PPP2R5E: variants seen among roughly 807,000 people sequenced by gnomAD.
PPP2R5E encodes the protein protein phosphatase 2 regulatory subunit B'epsilon.
A neutral mutation model predicts 65.3 loss-of-function variants in PPP2R5E; 4 were observed. The ratio of observed to expected loss-of-function variants is 0.06; its 90% CI spans 0.03 to 0.14. PPP2R5E has a LOEUF of 0.14. Among genes scored for constraint, PPP2R5E ranks in the 10% least tolerant of loss-of-function variants. The pLI is 1.00. For synonymous variants in PPP2R5E, 183 were observed against 187.4 expected, an observed-to-expected ratio of 0.98 and a Z score of 0.19; for missense variants, 274 against 556.1, an observed-to-expected ratio of 0.49 and a Z score of 5.10.
chr14:63,427,489 T>C (rs1455707011), intron 3 of PPP2R5E, among the ~76,000 whole-genome samples: 1 of 152,104 alleles, frequency 6.6e-6, no homozygotes, highest in African/African-American at 2.4e-5. Context: ...CATCGGATGT[T>C]AGGATCAAAC....
intron 11 of PPP2R5E, among the ~76,000 whole-genome samples, chr14:63,388,163 G>A (rs934744383): frequency 6.9e-6 from 1 of 145,276 alleles, no homozygotes. Context: ...TTTTTTAGAT[G>A]GAGTTTCGCT....
intron 2 of PPP2R5E, among the ~76,000 whole-genome samples, chr14:63,457,273 G>C (rs1889172202): frequency 6.6e-6 from 1 of 152,136 alleles, no homozygotes; most frequent in African/African-American, 2.4e-5. Flanking sequence ...TATAAGAAAA[G>C]TTTAGTGTCT....
At chr14:63,533,871 T>G (rs1416946956) in intron 2 of PPP2R5E, among the ~76,000 whole-genome samples, 1 of 151,764 alleles carries the variant, frequency 6.6e-6, no homozygotes, top group Admixed American at 6.6e-5. Context: ...CACTTGAACC[T>G]GGGAGGCAGA....
At chr14:63,390,048 TAGTAATCCAGCTCTC>T in intron 10 of PPP2R5E, among the ~76,000 whole-genome samples, 1 of 151,910 alleles carries the variant, frequency 6.6e-6, no homozygotes. Flanking sequence ...TCTCTATTAT[TAGTAATCCAGCTCTC>T]TTTCCACAAC....
chr14:63,393,543 C>A (rs1413866379), intron 8 of PPP2R5E, among the ~76,000 whole-genome samples: 1 of 152,064 alleles, frequency 6.6e-6, no homozygotes, highest in Non-Finnish European at 1.5e-5. Flanking sequence ...AAAACCCCGT[C>A]TCTACTAAAA....
chr14:63,523,777 A>C (rs1426176198), intron 2 of PPP2R5E, among the ~76,000 whole-genome samples: 2 of 152,158 alleles, frequency 1.3e-5, no homozygotes, highest in Non-Finnish European at 2.9e-5. Flanking sequence ...GATGAGATAA[A>C]GATCAAAAGT....
chr14:63,494,184 C>T (rs1891425668), intron 2 of PPP2R5E, among the ~76,000 whole-genome samples: 1 of 152,052 alleles, frequency 6.6e-6, no homozygotes, highest in Non-Finnish European at 1.5e-5. Context: ...AGAAAGTGGT[C>T]TTAAGTAAGT....
At chr14:63,533,653 A>G (rs1027725295) in intron 2 of PPP2R5E, among the ~76,000 whole-genome samples, 2 of 148,246 alleles carry the variant, frequency 1.3e-5, no homozygotes, top group African/African-American at 5.0e-5. Flanking sequence ...GACAAGAAAT[A>G]ACAATGGCGG....
intron 6 of PPP2R5E, among the ~76,000 whole-genome samples, chr14:63,396,352 G>A (rs1885393777): frequency 8.8e-6 from 1 of 114,016 alleles, no homozygotes; most frequent in Admixed American, 8.9e-5. Flanking sequence ...AGAGGAGGGT[G>A]GGAGGAGAAG....
intron 2 of PPP2R5E, among the ~76,000 whole-genome samples, chr14:63,516,968 AT>A (rs143485411): frequency 0.031 from 4,747 of 152,322 alleles, 247 homozygotes; most frequent in African/African-American, 0.11. Context: ...GATGAACTAA[AT>A]AGATTTTTAA....
rs1174325054 is a variant in PPP2R5E at position 63,374,549 on chromosome 14, T to C, written c.*1460A>G. The C allele has an allele frequency of 2.2e-4, 33 of 149,962 alleles. No homozygotes were observed. Among genetic ancestry groups the C allele is most frequent in the Admixed American group, 2.1e-3 (32 of 15,020 alleles). 9.3% of individuals were successfully genotyped at this position (149,962 alleles called of 1,614,324 possible). ...TAATAATGCAACTGCATTAGGTAAG[T>C]ACATACTGTACACAAATTTTATCAG... is the stretch of plus-strand genomic sequence containing the variant. On this transcript the variant is annotated 3_prime_UTR_variant, in exon 14 of 14. Transcript: ENST00000337537.
intron 11 of PPP2R5E, among the ~76,000 whole-genome samples, chr14:63,388,931 C>G (rs1191829350): frequency 1.3e-5 from 2 of 152,148 alleles, no homozygotes; most frequent in Non-Finnish European, 2.9e-5. Flanking sequence ...CCCCAGTTTA[C>G]CCTTCTTCCC....
chr14:63,489,488 C>T (rs1891182830), intron 2 of PPP2R5E, among the ~76,000 whole-genome samples: 1 of 151,468 alleles, frequency 6.6e-6, no homozygotes, highest in East Asian at 1.9e-4. Flanking sequence ...TGGCTCACTG[C>T]AGCCTTGACC....
At chr14:63,380,113 C>T (rs932194426) in intron 13 of PPP2R5E, among the ~76,000 whole-genome samples, 8 of 151,790 alleles carry the variant, frequency 5.3e-5, no homozygotes, top group African/African-American at 1.5e-4. Context: ...GGATTACAGG[C>T]GTGAGCTACC....
chr14:63,518,912 A>AT (rs1305214394), intron 2 of PPP2R5E, among the ~76,000 whole-genome samples: 3 of 151,918 alleles, frequency 2.0e-5, no homozygotes, highest in African/African-American at 7.3e-5. Context: ...AAAATTAAAA[A>AT]TAAAAAAATA....
At chr14:63,449,853 C>CCTTTT (rs986492803) in intron 3 of PPP2R5E, among the ~76,000 whole-genome samples, 3 of 150,018 alleles carry the variant, frequency 2.0e-5, no homozygotes, top group Non-Finnish European at 4.4e-5. Flanking sequence ...CAAAGCCTTG[C>CCTTTT]CTTTTCTTTT....
rs772679993 is a variant in PPP2R5E, at chr14:63,391,989, G to C, written c.886C>G (p.Pro296Ala). 1 of 1,610,842 alleles carries C rather than the reference G, an allele frequency of 6.2e-7. No individual in the cohort carries two copies. Residue 296 changes from proline (P) to alanine (A), a missense_variant, in exon 9 of 14, where the codon CCT becomes GCT. Physicochemically the swap from Pro to Ala is conservative, Grantham distance 27. This residue lies in a region of PPP2R5E where 129 missense variants were observed against 254.9 expected (regional missense o/e 0.51). Transcript: ENST00000337537. ...AGACTTACTGGTTCTGTGAGTGAAG[G>C]ATCTTTCTCCAGAAACTGTACTATA... ...YCIVQFLEKD[P>A]SLTEPVIRGL...
chr14:63,522,764 G>C (rs1892990514), intron 2 of PPP2R5E, among the ~76,000 whole-genome samples: 10 of 151,398 alleles, frequency 6.6e-5, no homozygotes. Context: ...CCCCGTCTGA[G>C]AAGTGAGGAG....
intron 2 of PPP2R5E, among the ~76,000 whole-genome samples, chr14:63,460,034 G>A (rs1889366577): frequency 6.6e-6 from 1 of 152,106 alleles, no homozygotes; most frequent in Admixed American, 6.5e-5. Flanking sequence ...GTTTTTTAAA[G>A]GTTCAAAACG....
Sources: gnomAD v4.1 joint callset for allele counts (sites outside exome capture counted in the v4.1 genomes callset) on GRCh38, gnomAD v4.1.1 for gene constraint, gnomAD v4.1.1 regional missense constraint, MANE v1.5 for transcripts, NCBI Gene and HGNC (gene_info 2026-07-23, HGNC 2026-07-21) for gene names.